C2CD5: variants seen among roughly 807,000 people sequenced by gnomAD.
C2CD5 encodes C2 calcium dependent domain containing 5.
A neutral mutation model predicts 130.3 loss-of-function variants in C2CD5; 109 were observed. That is an observed-to-expected ratio of 0.84 (90% CI 0.72 to 0.98). The LOEUF (loss-of-function observed/expected upper bound fraction) is 0.98. C2CD5 is among the 50% of genes least tolerant of loss of function. The pLI is 0.00. For missense variants in C2CD5, 996 were observed against 1,261.8 expected, an observed-to-expected ratio of 0.79 and a Z score of 3.19; for synonymous variants, 454 against 429.2, an observed-to-expected ratio of 1.06 and a Z score of -0.71.
At chr12:22,528,717 A>C (rs1184628857) in intron 3 of C2CD5, among the ~76,000 whole-genome samples, 1 of 152,182 alleles carries the variant, frequency 6.6e-6, no homozygotes, top group Non-Finnish European at 1.5e-5. Flanking sequence ...ATACCATACT[A>C]TTAAGACTGA....
At chr12:22,507,975 C>A (rs1265347670) in intron 9 of C2CD5, among the ~76,000 whole-genome samples, 1 of 152,036 alleles carries the variant, frequency 6.6e-6, no homozygotes, top group Admixed American at 6.6e-5. Flanking sequence ...TTCAAGACCA[C>A]CTCAGATTAA....
At chr12:22,484,670 C>A (rs368234674) in intron 13 of C2CD5, 27 bp downstream of exon 13, 13 of 1,354,448 alleles carry the variant, frequency 9.6e-6, no homozygotes, top group Non-Finnish European at 1.1e-5. Flanking sequence ...TTTTCAGGGA[C>A]ACCGAGTGTT....
chr12:22,463,743 A>C (rs1941595709), intron 22 of C2CD5: 1 of 152,330 alleles, frequency 6.6e-6, no homozygotes, highest in South Asian at 2.1e-4. Flanking sequence ...GAATTTGCAG[A>C]TCATCTTTGC....
chr12:22,502,717 T>A, intron 10 of C2CD5: 1 of 1,394,048 alleles, frequency 7.2e-7, no homozygotes, highest in South Asian at 1.2e-5. Context: ...GCATATGTAG[T>A]ACTGAATGAC....
chr12:22,515,042 A>G, intron 8 of C2CD5: 1 of 985,268 alleles, frequency 1.0e-6, no homozygotes, highest in Non-Finnish European at 1.2e-6. Flanking sequence ...ATGAGGGGTA[A>G]GGCTAGATTC....
chr12:22,482,547 C>T lies in C2CD5; in HGVS notation c.1737+10G>A. On this transcript the variant is annotated intron_variant, in intron 14 of 26. Coordinates refer to ENST00000446597, the MANE Select transcript of C2CD5 (RefSeq NM_001286176.2). ...AATCATAAAACAAAACCAAAAACAT[C>T]TAAACTTACCGCTAAGCCCATCAAC... 1 of 1,609,528 alleles carries T rather than the reference C, an allele frequency of 6.2e-7. No individual in the cohort carries two copies. The highest frequency in any genetic ancestry group is 8.5e-7 in the Non-Finnish European group (1 of 1,177,966).
Position 22,472,299 on chromosome 12 carries a change from G to A in C2CD5, c.2156C>T (p.Thr719Ile). Residue 719 changes from threonine to isoleucine, a missense_variant, in exon 18 of 27, where the codon ACC becomes ATC. By Grantham distance (89) the Thr-to-Ile change is moderately conservative. This residue lies in a region of C2CD5 where 590 missense variants were observed against 631.4 expected (regional missense o/e 0.93). Transcript: ENST00000446597. ...TEIMPGINNW[T>I]SEIQMFTSVR... ...AAAAAGGTTTACCTGTATTTCAGAG[G>A]TCCAATTATTTATACCGGGCATAAT... is the stretch of plus-strand genomic sequence containing the variant. 2.0e-6 allele frequency: 3 copies of A among 1,513,552 alleles called. No homozygotes were observed. Among genetic ancestry groups the A allele is most frequent in the Non-Finnish European group, 2.7e-6 (3 of 1,105,058 alleles). The allele number at this position is 1,513,552 out of a possible 1,614,324, so 93.8% of individuals were successfully genotyped here. A position where few individuals can be genotyped will look rare whatever the true frequency, so the allele number is the denominator to read the frequency against.
chr12:22,479,665 G>A (rs1442768691), intron 14 of C2CD5, among the ~76,000 whole-genome samples: 1 of 151,960 alleles, frequency 6.6e-6, no homozygotes, highest in Non-Finnish European at 1.5e-5. Flanking sequence ...AGAGAAAAGT[G>A]TTTATTAGAT....
intron 9 of C2CD5, 35 bp from the exon 10 acceptor site, chr12:22,506,854 C>A (rs764146087): frequency 7.8e-7 from 1 of 1,288,450 alleles, no homozygotes; most frequent in South Asian, 1.2e-5. Flanking sequence ...TACAACTTAT[C>A]GTGTGTAGAG....
intron 22 of C2CD5, among the ~76,000 whole-genome samples, chr12:22,462,227 T>C (rs1941297474): frequency 6.6e-6 from 1 of 152,198 alleles, no homozygotes; most frequent in African/African-American, 2.4e-5. Context: ...CTTTCAGGCT[T>C]TGCTGAGTTG....
chr12:22,522,006 A>G (rs967468514), intron 7 of C2CD5, among the ~76,000 whole-genome samples: 1 of 152,138 alleles, frequency 6.6e-6, no homozygotes, highest in African/African-American at 2.4e-5. Flanking sequence ...GAGTCCACAA[A>G]CTACAGACTG....
chr12:22,493,138 T>C, intron 11 of C2CD5, 85 bp downstream of exon 11: 2 of 769,392 alleles, frequency 2.6e-6, no homozygotes, highest in African/African-American at 1.7e-5. Flanking sequence ...GCTATTCTCT[T>C]TTCTTTTATT....
intron 10 of C2CD5, among the ~76,000 whole-genome samples, chr12:22,499,662 A>G (rs191018838): frequency 6.6e-6 from 1 of 152,192 alleles, no homozygotes; most frequent in Admixed American, 6.5e-5. Context: ...CCTATAGTCA[A>G]TGATCTAATG....
chr12:22,494,206 A>G (rs984888303), intron 10 of C2CD5, among the ~76,000 whole-genome samples: 5 of 151,992 alleles, frequency 3.3e-5, no homozygotes, highest in African/African-American at 1.2e-4. Context: ...AAAGTCTATA[A>G]TTAGCATATC....
intron 14 of C2CD5, among the ~76,000 whole-genome samples, chr12:22,480,436 T>C (rs182950433): frequency 1.3e-5 from 2 of 152,238 alleles, no homozygotes; most frequent in East Asian, 3.9e-4. Flanking sequence ...GCACAAACTA[T>C]AACAAAGCAC....
intron 14 of C2CD5, among the ~76,000 whole-genome samples, chr12:22,479,240 A>G (rs1017761935): frequency 4.0e-5 from 6 of 151,852 alleles, no homozygotes; most frequent in Non-Finnish European, 7.4e-5. Context: ...CACTCAGCTA[A>G]TTTTTGTATT....
In C2CD5 at chr12:22,456,541, G is replaced by A. The variant is rs147190905; in HGVS notation, c.2877+430C>T. Among the ~76,000 whole-genome samples the A allele has an allele frequency of 3.9e-5, 6 of 152,268 alleles. No homozygotes were observed. The East Asian group carries it at 9.6e-4, about 24-fold the overall frequency. ...CACTAACTGAGAGAGTAAAAAATGA[G>A]CAGCTTCATTCCTTTCTCAGGAGGA... On this transcript the variant is annotated intron_variant, in intron 25 of 26. Coordinates refer to ENST00000446597, the MANE Select transcript of C2CD5 (RefSeq NM_001286176.2).
chr12:22,452,170 A>G (rs574824568), intron 26 of C2CD5, among the ~76,000 whole-genome samples: 42 of 152,340 alleles, frequency 2.8e-4, no homozygotes. Flanking sequence ...TAAAGTAGGG[A>G]AAATCCTCTT....
chr12:22,530,103 TATATATATACAC>T (rs1334328646), intron 3 of C2CD5, among the ~76,000 whole-genome samples: 32 of 115,736 alleles, frequency 2.8e-4, no homozygotes, highest in Middle Eastern at 4.0e-3. Flanking sequence ...TATATATATA[TATATATATACAC>T]ACACACACAC....
Sources: allele counts gnomAD v4.1 joint callset (sites outside exome capture counted in the v4.1 genomes callset), GRCh38; gene constraint gnomAD v4.1.1; regional missense constraint gnomAD v4.1.1; transcripts MANE v1.5; gene names NCBI Gene and HGNC (gene_info 2026-07-23, HGNC 2026-07-21).